Variants in VIT observed in about 807,000 individuals in gnomAD.
VIT encodes the protein vitrin.
In VIT, 99 loss-of-function variants were observed where a neutral mutation model predicts 78.0. The observed-to-expected ratio is 1.27, with a 90% CI of 1.08 to 1.50. The LOEUF (loss-of-function observed/expected upper bound fraction) is 1.50, where lower values mean the gene tolerates loss of function less well. Ranked by LOEUF, VIT falls within the 40% of genes most tolerant of loss-of-function variation. VIT has a pLI of 0.00. For missense variants in VIT, 1,126 were observed against 875.3 expected, an observed-to-expected ratio of 1.29 and a Z score of -3.61; for synonymous variants, 374 against 334.3, an observed-to-expected ratio of 1.12 and a Z score of -1.29.
chr2:36,726,565 G>A (rs912279719), intron 2 of VIT, among the ~76,000 whole-genome samples: 6 of 152,016 alleles, frequency 3.9e-5, no homozygotes, highest in South Asian at 2.1e-4. Context: ...GCCTCAGGCC[G>A]GGTGTGGTGG....
chr2:36,697,264 G>A (rs538197516), intron 1 of VIT, among the ~76,000 whole-genome samples: 2 of 152,150 alleles, frequency 1.3e-5, no homozygotes, highest in Non-Finnish European at 2.9e-5. Context: ...TGAAAAGTAT[G>A]ACATTTGTGT....
At chr2:36,725,740 C>T (rs1304177864) in intron 2 of VIT, among the ~76,000 whole-genome samples, 1 of 152,176 alleles carries the variant, frequency 6.6e-6, no homozygotes, top group Non-Finnish European at 1.5e-5. Context: ...ACTCCTAAGT[C>T]CATTTATACC....
intron 5 of VIT, among the ~76,000 whole-genome samples, chr2:36,755,558 CA>C (rs1668710864): frequency 6.6e-6 from 1 of 152,166 alleles, no homozygotes; most frequent in Admixed American, 6.5e-5. Flanking sequence ...CTGTCCATGG[CA>C]AAGATACCCC....
intron 3 of VIT, among the ~76,000 whole-genome samples, chr2:36,734,744 G>C (rs1451038393): frequency 1.3e-5 from 2 of 151,878 alleles, no homozygotes; most frequent in African/African-American, 2.4e-5. Context: ...TCACTTCTTT[G>C]TCTTCTCACC....
rs752834211 is a variant in VIT at position 36,808,954 on chromosome 2, C to T, written c.1872C>T (p.Val624=). The T allele has an allele frequency of 1.9e-5, 30 of 1,600,408 alleles. No homozygotes were observed. In the South Asian group the frequency reaches 3.4e-4, roughly 18 times the overall value. The change falls in exon 15 of 16, where the codon GTC becomes GTT. Residue 624 remains valine, a synonymous_variant. Transcript: ENST00000379242. ...CCGACGGGAGGTCCTACGACGACGT[C>T]CGGATCCCAGCCATGGCTGCCCATC... The part of the protein sequence containing the change: ...LITDGRSYDD[V]RIPAMAAHLK...
At chr2:36,718,548 G>A (rs1323470998) in intron 2 of VIT, among the ~76,000 whole-genome samples, 1 of 152,146 alleles carries the variant, frequency 6.6e-6, no homozygotes, top group African/African-American at 2.4e-5. Flanking sequence ...TGTCTCTCAG[G>A]TAAGCTACTT....
At chr2:36,766,863 G>C (rs889641069) in intron 6 of VIT, among the ~76,000 whole-genome samples, 2 of 152,162 alleles carry the variant, frequency 1.3e-5, no homozygotes, top group African/African-American at 4.8e-5. Flanking sequence ...CTATAGTTTT[G>C]ACCTGTCATT....
intron 12 of VIT, among the ~76,000 whole-genome samples, chr2:36,794,416 T>C (rs1276748299): frequency 1.3e-5 from 2 of 152,232 alleles, no homozygotes; most frequent in Non-Finnish European, 2.9e-5. Context: ...TTTAGTGGCA[T>C]ACCTCTTTGA....
intron 7 of VIT, among the ~76,000 whole-genome samples, chr2:36,772,630 C>T (rs1013753460): frequency 1.3e-5 from 2 of 152,148 alleles, no homozygotes; most frequent in African/African-American, 4.8e-5. Flanking sequence ...TCACTTGAGC[C>T]CAGGAGTTCA....
intron 3 of VIT, among the ~76,000 whole-genome samples, chr2:36,740,183 AAAGAAAGAGG>A: frequency 6.6e-6 from 1 of 152,214 alleles, no homozygotes; most frequent in Non-Finnish European, 1.5e-5. Flanking sequence ...CTTAACAACC[AAAGAAAGAGG>A]AAGAAAGGAA....
At chr2:36,754,343 G>T (rs1253050954) in intron 4 of VIT, among the ~76,000 whole-genome samples, 1 of 152,126 alleles carries the variant, frequency 6.6e-6, no homozygotes, top group Non-Finnish European at 1.5e-5. Flanking sequence ...TGGAGACCCT[G>T]CCTAACATCA....
chr2:36,735,491 T>C (rs1667460109), intron 3 of VIT, among the ~76,000 whole-genome samples: 1 of 152,202 alleles, frequency 6.6e-6, no homozygotes, highest in African/African-American at 2.4e-5. Context: ...AGAGTGGGCT[T>C]GTGCAGTCTA....
chr2:36,788,028 A>G (rs1264790741), intron 12 of VIT: 4 of 296,814 alleles, frequency 1.3e-5, no homozygotes, highest in Non-Finnish European at 2.0e-5. Context: ...ATACATAGAT[A>G]TTGATAATAA....
At chr2:36,760,330 A>G (rs1306793207) in intron 6 of VIT, among the ~76,000 whole-genome samples, 1 of 152,104 alleles carries the variant, frequency 6.6e-6, no homozygotes, top group East Asian at 1.9e-4. Context: ...ACGTATATAG[A>G]TCGCTGATTT....
At chr2:36,764,216 A>C (rs189231564) in intron 6 of VIT, among the ~76,000 whole-genome samples, 518 of 152,368 alleles carry the variant, frequency 3.4e-3, no homozygotes, top group Admixed American at 5.7e-3. Context: ...AGTTTCATGA[A>C]TCATTTACAA....
chr2:36,814,480 ATGTCT>A lies in VIT; in HGVS notation c.*123_*127del. On this transcript the variant is annotated 3_prime_UTR_variant, in exon 16 of 16. Transcript: ENST00000379242. ...TCTTGGGCAGGGCATGGAGAAACAA[ATGTCT>A]TGTTATTATTCTTTGCCATCATGCT... The A allele has an allele frequency of 8.4e-7, 1 of 1,194,666 alleles. No homozygotes were observed. Among genetic ancestry groups the A allele is most frequent in the South Asian group, 1.8e-5 (1 of 56,660 alleles). 74.0% of individuals were successfully genotyped at this position (1,194,666 alleles called of 1,614,324 possible).
intron 4 of VIT, among the ~76,000 whole-genome samples, chr2:36,754,499 CA>C (rs556904138): frequency 1.1e-4 from 17 of 149,372 alleles, no homozygotes; most frequent in East Asian, 7.8e-4. Flanking sequence ...CTCCCTGACC[CA>C]AAAAAAAAGG....
Position 36,759,034 on chromosome 2 carries a change from G to C in VIT, c.475G>C (p.Ala159Pro), listed in dbSNP as rs755746263. ...ALTYSSSKSP[A>P]AQAGETTKAY... Reference sequence around the variant, plus strand: ...TACATACTCATCATCGAAAAGTCCAGCTGCCCAAGCAGGCAAGTGCTCACG... The same window carrying C: ...TACATACTCATCATCGAAAAGTCCACCTGCCCAAGCAGGCAAGTGCTCACG... The change falls in exon 6 of 16, where the codon GCT (alanine) becomes CCT (proline). Residue 159 changes from alanine to proline, a missense_variant. Transcript: ENST00000379242. 6.2e-7 allele frequency: 1 copy of C among 1,613,864 alleles called. No individual in the cohort carries two copies. Among genetic ancestry groups the C allele is most frequent in the Non-Finnish European group, 8.5e-7 (1 of 1,180,032 alleles).
Position 36,776,870 on chromosome 2 carries a change from A to C in VIT, c.802+1803A>C, listed in dbSNP as rs535148224. Among the ~76,000 whole-genome samples the C allele has an allele frequency of 1.8e-4, 28 of 152,002 alleles. No homozygotes were observed. In the South Asian group the frequency reaches 5.4e-3, roughly 29 times the overall value. ...TTTGGGAGGCCAAGGAGGGCAGATC[A>C]CGAGGTCAGGAGATCGAGACCATCC... On this transcript the variant is annotated intron_variant, in intron 9 of 15. Coordinates refer to ENST00000379242, the MANE Select transcript of VIT (RefSeq NM_053276.4).
Sources: gnomAD v4.1 joint callset for allele counts (sites outside exome capture counted in the v4.1 genomes callset) on GRCh38, gnomAD v4.1.1 for gene constraint, MANE v1.5 for transcripts, NCBI Gene and HGNC (gene_info 2026-07-23, HGNC 2026-07-21) for gene names.